Variants in ABCA5 observed in about 807,000 individuals in gnomAD.
ABCA5 encodes the protein cholesterol transporter ABCA5.
A neutral mutation model predicts 206.0 loss-of-function variants in ABCA5; 163 were observed. The ratio of observed to expected loss-of-function variants is 0.79; its 90% CI spans 0.70 to 0.90. The LOEUF (loss-of-function observed/expected upper bound fraction) is 0.90, where lower values mean the gene tolerates loss of function less well. Ranked by LOEUF, ABCA5 falls within the 40% of genes least tolerant of loss-of-function variation. ABCA5 has a pLI of 0.00. For missense variants in ABCA5, 1,859 were observed against 1,912.9 expected, an observed-to-expected ratio of 0.97 and a Z score of 0.53; for synonymous variants, 609 against 613.8, an observed-to-expected ratio of 0.99 and a Z score of 0.11.
chr17:69,250,417 CT>C, intron 36 of ABCA5, 54 bp downstream of exon 36: 1 of 1,502,294 alleles, frequency 6.7e-7, no homozygotes, highest in Non-Finnish European at 9.0e-7. Context: ...AATATAATAA[CT>C]TTTTATAACC....
Position 69,244,889 on chromosome 17 carries a change from G to A in ABCA5, c.*2648C>T, listed in dbSNP as rs895679117. 1 of 149,394 alleles carries A rather than the reference G, an allele frequency of 6.7e-6. No individual in the cohort carries two copies. The highest frequency in any genetic ancestry group is 6.7e-5 in the Admixed American group (1 of 14,922). 9.3% of individuals were successfully genotyped at this position (149,394 alleles called of 1,614,324 possible). ...TTATAGTTAGTTATATAAAATAATA[G>A]CTAGTTATATAAGTTATATAAGTAA... On this transcript the variant is annotated 3_prime_UTR_variant, in exon 39 of 39. Transcript: ENST00000392676.
chr17:69,286,692 AAAGT>A (rs1233544355), intron 15 of ABCA5, among the ~76,000 whole-genome samples: 5 of 152,210 alleles, frequency 3.3e-5, no homozygotes, highest in Admixed American at 3.3e-4. Context: ...AAAATCAACA[AAAGT>A]AATAAGAAGA....
Position 69,286,267 on chromosome 17 carries a change from A to T in ABCA5, c.2086T>A (p.Ser696Thr), listed in dbSNP as rs2075451586. 1 of 1,591,216 alleles carries T rather than the reference A, an allele frequency of 6.3e-7. No homozygotes were observed. Among genetic ancestry groups the T allele is most frequent in the Non-Finnish European group, 8.5e-7 (1 of 1,174,656 alleles). Residue 696 changes from serine to threonine, a missense_variant, in exon 16 of 39, where the codon TCT (serine) becomes ACT (threonine). Ser to Thr is a moderately conservative substitution (Grantham distance 58, BLOSUM62 1). Coordinates refer to ENST00000392676, the MANE Select transcript of ABCA5 (RefSeq NM_172232.4). ...ISQGMLKCVG[S>T]SMFLKSKWGI... Reference sequence around the variant, plus strand: ...CATTTACTTTTGAGGAACATTGAAGAACCAACACATTTCAGCATTCCTTGT... The same window carrying T: ...CATTTACTTTTGAGGAACATTGAAGTACCAACACATTTCAGCATTCCTTGT...
intron 20 of ABCA5, among the ~76,000 whole-genome samples, chr17:69,271,867 C>T (rs945277803): frequency 5.3e-5 from 8 of 152,122 alleles, no homozygotes; most frequent in South Asian, 4.2e-4. Flanking sequence ...ATTGCCTTAA[C>T]TACCTTAAAA....
Position 69,277,851 on chromosome 17 carries a change from C to A in ABCA5, c.2393-9G>T. The A allele has an allele frequency of 3.4e-6, 5 of 1,470,728 alleles. No homozygotes were observed. Among genetic ancestry groups the A allele is most frequent in the Non-Finnish European group, 3.6e-6 (4 of 1,107,586 alleles). The allele number at this position is 1,470,728 out of a possible 1,614,324, so 91.1% of individuals were successfully genotyped here. ...AGTAAATACACTATAATCTATTTGC[C>A]AAAACAAAACAAACATTTCAGTATG... On this transcript the variant is annotated splice_polypyrimidine_tract_variant and intron_variant, in intron 18 of 38. Coordinates refer to ENST00000392676, the MANE Select transcript of ABCA5 (RefSeq NM_172232.4).
At chr17:69,261,840 A>T (rs1193417173) in intron 24 of ABCA5, 92 bp from the exon 25 acceptor site, 5 of 495,498 alleles carry the variant, frequency 1.0e-5, no homozygotes, top group African/African-American at 8.1e-5. Context: ...TGAAATTATT[A>T]ATATAATCCT....
chr17:69,323,905 G>T (rs1236206442), intron 1 of ABCA5, among the ~76,000 whole-genome samples: 1 of 152,146 alleles, frequency 6.6e-6, no homozygotes, highest in South Asian at 2.1e-4. Flanking sequence ...ATAATATCTT[G>T]TGACATGCAA....
chr17:69,274,852 T>C (rs2075313860), intron 19 of ABCA5, among the ~76,000 whole-genome samples: 2 of 140,164 alleles, frequency 1.4e-5, no homozygotes, highest in Admixed American at 1.4e-4. Flanking sequence ...TTTTTTTTTT[T>C]TTTTTTTTTG....
intron 18 of ABCA5, among the ~76,000 whole-genome samples, chr17:69,280,253 C>T (rs1221888996): frequency 6.6e-6 from 1 of 152,180 alleles, no homozygotes; most frequent in Non-Finnish European, 1.5e-5. Context: ...CAAAAGAAGA[C>T]ATTTATGCAG....
chr17:69,303,077 T>C (rs190927295), intron 7 of ABCA5, among the ~76,000 whole-genome samples, 171 bp from the exon 8 acceptor site: 19 of 152,328 alleles, frequency 1.2e-4, no homozygotes, highest in Admixed American at 5.2e-4. Context: ...AATAGTGATA[T>C]ACCTTTTAAA....
intron 10 of ABCA5, among the ~76,000 whole-genome samples, chr17:69,294,970 C>T (rs1175656380): frequency 6.6e-6 from 1 of 152,074 alleles, no homozygotes; most frequent in Non-Finnish European, 1.5e-5. Flanking sequence ...TCCCCTAAAA[C>T]TAATCTATTA....
At chr17:69,250,902 G>T (rs988585852) in intron 35 of ABCA5, 1 of 190,370 alleles carries the variant, frequency 5.3e-6, no homozygotes, top group African/African-American at 2.4e-5. Flanking sequence ...TTTTCTATTA[G>T]TGTCCTTTGT....
At position 69,303,839 on chromosome 17, in the gene ABCA5, T is replaced by TATATAC. The variant is rs1567778335; in HGVS notation, c.930+829_930+830insGTATAT. 8.9e-4 allele frequency among the ~76,000 whole-genome samples: 17 copies of TATATAC among 19,060 alleles called. 2 individuals are homozygous for TATATAC. Among genetic ancestry groups the TATATAC allele is most frequent in the Non-Finnish European group, 1.3e-3 (13 of 10,172 alleles). The allele number at this position is 19,060 out of a possible 152,430, so 12.5% of individuals were successfully genotyped here. On this transcript the variant is annotated intron_variant, in intron 7 of 38. Transcript: ENST00000392676. ...ATATATATATATGTATATATATATA[T>TATATAC]ACATACATATATATATGTATATATA...
intron 7 of ABCA5, 190 bp downstream of exon 7, chr17:69,304,479 C>A: frequency 2.2e-6 from 1 of 452,114 alleles, no homozygotes; most frequent in Non-Finnish European, 3.8e-6. Context: ...AAATCTAAAA[C>A]TATTTTGTAA....
intron 18 of ABCA5, among the ~76,000 whole-genome samples, chr17:69,281,078 C>A (rs2075387519): frequency 6.6e-6 from 1 of 150,838 alleles, no homozygotes; most frequent in Non-Finnish European, 1.5e-5. Context: ...AAAATTCTAC[C>A]AATTAAACCA....
chr17:69,257,426 A>G (rs1371731572), intron 28 of ABCA5, among the ~76,000 whole-genome samples: 1 of 152,124 alleles, frequency 6.6e-6, no homozygotes, highest in Non-Finnish European at 1.5e-5. Flanking sequence ...GATTAGTTAA[A>G]TAAGTTGAGC....
chr17:69,301,196 T>G lies in ABCA5; in HGVS notation c.1210A>C (p.Thr404Pro). ...YPLIITIIML[T>P]LNSIFYVLLA... is the part of the protein sequence containing the mutation. ...AGGACATAGAATATACTATTAAGTGTGAGCATGATAATTGTAATAATTAGA... is the reference window on the plus strand; with the variant it reads ...AGGACATAGAATATACTATTAAGTGGGAGCATGATAATTGTAATAATTAGA... Residue 404 changes from threonine to proline, a missense_variant, in exon 9 of 39, where the codon ACA becomes CCA. Thr to Pro is a conservative substitution (Grantham distance 38). Transcript: ENST00000392676. 1 of 1,601,166 alleles carries G rather than the reference T, an allele frequency of 6.2e-7. No individual in the cohort carries two copies. The highest frequency in any genetic ancestry group is 8.5e-7 in the Non-Finnish European group (1 of 1,176,236).
At position 69,301,121 on chromosome 17, in the gene ABCA5, C is replaced by A. The variant is rs777019971; in HGVS notation, c.1267+18G>T. ...GCCTAAAAATCTTTAAAGTAAAATT[C>A]AAAAACCATCTGCATACCTGGAATG... On this transcript the variant is annotated intron_variant, in intron 9 of 38. Coordinates refer to ENST00000392676, the MANE Select transcript of ABCA5 (RefSeq NM_172232.4). 6.7e-6 allele frequency: 10 copies of A among 1,485,090 alleles called. No individual in the cohort carries two copies. The Admixed American group carries it at 1.3e-4, about 19-fold the overall frequency. The allele number at this position is 1,485,090 out of a possible 1,614,324, so 92.0% of individuals were successfully genotyped here. A position where few individuals can be genotyped will look rare whatever the true frequency, so the allele number is the denominator to read the frequency against.
intron 29 of ABCA5, 35 bp downstream of exon 29, chr17:69,256,122 T>C: frequency 1.3e-6 from 2 of 1,520,196 alleles, no homozygotes; most frequent in East Asian, 2.4e-5. Flanking sequence ...GATCATTTCA[T>C]ATTTACTATG....
Sources: allele counts gnomAD v4.1 joint callset (sites outside exome capture counted in the v4.1 genomes callset), GRCh38; gene constraint gnomAD v4.1.1; transcripts MANE v1.5; gene names NCBI Gene and HGNC (gene_info 2026-07-23, HGNC 2026-07-21).